DMD: variants seen among roughly 807,000 people sequenced by gnomAD.
DMD encodes the protein mutant dystrophin.
A neutral mutation model predicts 330.1 loss-of-function variants in DMD; 63 were observed. That is an observed-to-expected ratio of 0.19 (90% CI 0.16 to 0.24). DMD has a LOEUF of 0.24. Among genes scored for constraint, DMD ranks in the 10% least tolerant of loss-of-function variants. The pLI is 1.00. For synonymous variants in DMD, 1,223 were observed against 959.8 expected, an observed-to-expected ratio of 1.27 and a Z score of -5.07; for missense variants, 3,344 against 2,684.1, an observed-to-expected ratio of 1.25 and a Z score of -5.43.
intron 11 of DMD, among the ~76,000 whole-genome samples, chrX:32,628,260 T>TC (rs2058490783): frequency 2.2e-5 from 1 of 46,071 alleles, no homozygotes; most frequent in Non-Finnish European, 3.6e-5. Context: ...TTGTTTTAAT[T>TC]TTTTTTTTTT....
chrX:32,042,951 T>A (rs2096023310), intron 44 of DMD, among the ~76,000 whole-genome samples: 1 of 112,225 alleles, frequency 8.9e-6, no homozygotes, highest in Non-Finnish European at 1.9e-5. Flanking sequence ...CATAGCACAA[T>A]AGGGTTGCTA....
chrX:33,214,822 T>G (rs750655327), upstream of DMD, among the ~76,000 whole-genome samples: 1 of 111,351 alleles, frequency 9.0e-6, no homozygotes, highest in South Asian at 3.8e-4. Context: ...TTCAGCTAAT[T>G]TAATATTTTT....
At chrX:31,416,156 T>C (rs1331226785) in intron 60 of DMD, among the ~76,000 whole-genome samples, 2 of 112,016 alleles carry the variant, frequency 1.8e-5, no homozygotes, top group Non-Finnish European at 3.8e-5. Flanking sequence ...TTATTTTAAT[T>C]AGGAATTCAT....
intron 59 of DMD, among the ~76,000 whole-genome samples, chrX:31,458,162 A>G (rs2149149786): frequency 9.0e-6 from 1 of 111,411 alleles, no homozygotes; most frequent in Non-Finnish European, 1.9e-5. Flanking sequence ...GAGGCTGAAA[A>G]GAAAGTCTTA....
chrX:33,052,610 A>T (rs2094470317), intron 1 of DMD, among the ~76,000 whole-genome samples: 1 of 112,160 alleles, frequency 8.9e-6, no homozygotes, highest in African/African-American at 3.2e-5. Flanking sequence ...GCTAAGTTAG[A>T]AACAAAACAG....
intron 63 of DMD, among the ~76,000 whole-genome samples, chrX:31,253,191 A>G (rs972095228): frequency 2.7e-5 from 3 of 111,735 alleles, no homozygotes; most frequent in African/African-American, 9.8e-5. Context: ...ATGAAGACCA[A>G]TAGAAAGCAA....
At chrX:33,266,681 A>G (rs1193700400) in intron 1 of DMD, among the ~76,000 whole-genome samples, 2 of 111,810 alleles carry the variant, frequency 1.8e-5, no homozygotes, top group Admixed American at 9.6e-5. Context: ...AATATTTTTA[A>G]TTGCGAAGAA....
intron 60 of DMD, among the ~76,000 whole-genome samples, chrX:31,415,420 C>T (rs2061823633): frequency 8.9e-6 from 1 of 111,971 alleles, no homozygotes; most frequent in African/African-American, 3.2e-5. Context: ...TGCAAATGTT[C>T]CTTTAAGAAA....
intron 1 of DMD, among the ~76,000 whole-genome samples, chrX:33,106,007 T>C (rs2095283954): frequency 9.7e-6 from 1 of 103,291 alleles, no homozygotes; most frequent in South Asian, 4.6e-4. Context: ...ATCGCAAAGA[T>C]ATAGAATCCA....
intron 1 of DMD, among the ~76,000 whole-genome samples, chrX:33,235,265 G>C (rs1219800724): frequency 9.0e-6 from 1 of 111,546 alleles, no homozygotes; most frequent in Non-Finnish European, 1.9e-5. Context: ...TGAAGGCTAT[G>C]GGCTTCCTTT....
At chrX:31,234,037 C>T (rs1175640691) in intron 63 of DMD, among the ~76,000 whole-genome samples, 2 of 112,091 alleles carry the variant, frequency 1.8e-5, no homozygotes, top group African/African-American at 6.5e-5. Context: ...AATAGAGACT[C>T]ACATTCTCAT....
At chrX:31,123,853 C>T (rs2033209926) in intron 78 of DMD, among the ~76,000 whole-genome samples, 1 of 111,251 alleles carries the variant, frequency 9.0e-6, no homozygotes, top group African/African-American at 3.3e-5. Flanking sequence ...ATTTTTTTTC[C>T]TGTCAGCTTA....
intron 44 of DMD, among the ~76,000 whole-genome samples, chrX:32,068,975 A>C (rs16998260): frequency 0.18 from 19,874 of 111,198 alleles, 2,464 homozygotes; most frequent in African/African-American, 0.45. Flanking sequence ...GAGACATTTT[A>C]GTCATTTGGC....
chrX:32,711,835 T>C (rs1410260348), intron 7 of DMD, among the ~76,000 whole-genome samples: 2 of 112,105 alleles, frequency 1.8e-5, no homozygotes, highest in African/African-American at 6.5e-5. Context: ...AGATTAAACA[T>C]ATACACTGTC....
At chrX:32,688,807 A>G (rs1484395140) in intron 9 of DMD, among the ~76,000 whole-genome samples, 1 of 111,991 alleles carries the variant, frequency 8.9e-6, no homozygotes, top group Non-Finnish European at 1.9e-5. Context: ...ATTCTTATTT[A>G]CATCAAAATA....
intron 57 of DMD, among the ~76,000 whole-genome samples, chrX:31,496,428 T>G (rs1463991517): frequency 8.9e-6 from 1 of 112,270 alleles, no homozygotes; most frequent in East Asian, 2.8e-4. Flanking sequence ...TTTAAAACAA[T>G]CTGGGAAGAG....
intron 63 of DMD, among the ~76,000 whole-genome samples, chrX:31,236,885 C>A (rs1921396): frequency 0.47 from 52,331 of 110,587 alleles, 11,756 homozygotes; most frequent in African/African-American, 0.89. Context: ...TATGTTTTGA[C>A]AGTCAAATTA....
chrX:33,032,087 T>G (rs1231590532), intron 1 of DMD, among the ~76,000 whole-genome samples: 1 of 111,995 alleles, frequency 8.9e-6, no homozygotes, highest in Non-Finnish European at 1.9e-5. Context: ...TGGTTCACCA[T>G]GGGTGGATTA....
chrX:32,428,999 T>C (rs1055109526), intron 29 of DMD, among the ~76,000 whole-genome samples: 1 of 111,404 alleles, frequency 9.0e-6, no homozygotes, highest in African/African-American at 3.3e-5. Flanking sequence ...TTGCTGGAAA[T>C]AAATTAGGTG....
Sources: gnomAD v4.1 joint callset for allele counts (sites outside exome capture counted in the v4.1 genomes callset) on GRCh38, gnomAD v4.1.1 for gene constraint, MANE v1.5 for transcripts, NCBI Gene and HGNC (gene_info 2026-07-23, HGNC 2026-07-21) for gene names.